Variants in NKAIN2 observed in about 807,000 individuals in gnomAD.
NKAIN2 encodes sodium/potassium-transporting ATPase subunit beta-1-interacting protein 2.
Under a neutral mutation model 32.6 loss-of-function variants are expected in NKAIN2, and 14 were observed. The observed-to-expected ratio is 0.43, with a 90% CI of 0.28 to 0.67. The LOEUF is 0.67. Among genes scored for constraint, NKAIN2 ranks in the 30% least tolerant of loss-of-function variants. The pLI is 0.17. For synonymous variants in NKAIN2, 80 were observed against 87.2 expected (o/e 0.92, Z 0.46); for missense variants, 198 against 258.3 (o/e 0.77, Z 1.60).
intron 5 of NKAIN2, among the ~76,000 whole-genome samples, chr6:124,805,753 C>T (rs545248287): frequency 1.4e-4 from 22 of 152,118 alleles, no homozygotes; most frequent in East Asian, 1.2e-3. Flanking sequence ...AAAATTTAGA[C>T]GAATGTATAA....
intron 2 of NKAIN2, among the ~76,000 whole-genome samples, chr6:124,288,453 T>C (rs141523760): frequency 1.8e-4 from 27 of 152,356 alleles, no homozygotes; most frequent in East Asian, 1.2e-3. Flanking sequence ...AAGGATTATG[T>C]TTTTAACTCC....
At chr6:124,772,884 T>C (rs1778824260) in intron 4 of NKAIN2, among the ~76,000 whole-genome samples, 2 of 152,080 alleles carry the variant, frequency 1.3e-5, no homozygotes, top group African/African-American at 4.8e-5. Context: ...CTCTGGGTAA[T>C]GGGTACACTA....
chr6:124,316,365 C>T (rs889075704), intron 2 of NKAIN2, among the ~76,000 whole-genome samples: 7 of 151,992 alleles, frequency 4.6e-5, no homozygotes, highest in African/African-American at 1.4e-4. Flanking sequence ...GTCTGCATGA[C>T]ACAGAAATGA....
chr6:124,129,887 G>A (rs535041407), intron 1 of NKAIN2, among the ~76,000 whole-genome samples: 1 of 152,130 alleles, frequency 6.6e-6, no homozygotes, highest in South Asian at 2.1e-4. Context: ...CAAAGTGCTG[G>A]GATTATAGGC....
chr6:124,326,532 G>C (rs1221205443), intron 2 of NKAIN2, among the ~76,000 whole-genome samples: 1 of 152,050 alleles, frequency 6.6e-6, no homozygotes, highest in African/African-American at 2.4e-5. Context: ...TCAAGACAAT[G>C]CTTCATCTTT....
chr6:124,766,443 C>T lies in NKAIN2; in HGVS notation c.475-24896C>T, dbSNP rs560120559. On this transcript the variant is annotated intron_variant, in intron 4 of 6. Coordinates refer to ENST00000368417, the MANE Select transcript of NKAIN2 (RefSeq NM_001040214.3). The stretch of plus-strand genomic sequence containing the variant: ...TCTGAAACTTAAACATTCCCAGCCA[C>T]CTGTCCCTTCCACGCACCCTCTCCG... Among the ~76,000 whole-genome samples, 3 of 152,318 alleles carry T rather than the reference C, an allele frequency of 2.0e-5. No individual in the cohort carries two copies. In the South Asian group the frequency reaches 6.2e-4, roughly 32 times the overall value.
chr6:124,209,553 T>G (rs549076585), intron 1 of NKAIN2, among the ~76,000 whole-genome samples: 1 of 151,900 alleles, frequency 6.6e-6, no homozygotes, highest in African/African-American at 2.4e-5. Context: ...ACTATACTAA[T>G]AATAGTTTAC....
intron 1 of NKAIN2, among the ~76,000 whole-genome samples, chr6:124,091,149 T>C (rs1336138329): frequency 1.3e-5 from 2 of 151,950 alleles, no homozygotes; most frequent in Non-Finnish European, 2.9e-5. Flanking sequence ...AAACATTAAA[T>C]TGATTTTAAG....
chr6:123,875,199 CT>C (rs1554218270), intron 1 of NKAIN2, among the ~76,000 whole-genome samples: 1 of 151,630 alleles, frequency 6.6e-6, no homozygotes, highest in Admixed American at 6.6e-5. Context: ...TTTCTAAACA[CT>C]TTTTTTTACA....
chr6:124,653,791 T>TATTTTAACAA (rs1293103381), intron 3 of NKAIN2, among the ~76,000 whole-genome samples: 2 of 152,184 alleles, frequency 1.3e-5, no homozygotes, highest in Non-Finnish European at 2.9e-5. Flanking sequence ...TTTTAATCTA[T>TATTTTAACAA]ATTTTAACAA....
chr6:123,981,009 A>T (rs1376103936), intron 1 of NKAIN2, among the ~76,000 whole-genome samples: 5 of 151,944 alleles, frequency 3.3e-5, no homozygotes, highest in African/African-American at 1.2e-4. Context: ...AGGTAGGACT[A>T]CAGGCACGCA....
chr6:124,595,350 G>T (rs932940942), intron 3 of NKAIN2, among the ~76,000 whole-genome samples: 1 of 152,134 alleles, frequency 6.6e-6, no homozygotes, highest in Non-Finnish European at 1.5e-5. Flanking sequence ...TGGGACTCCA[G>T]ACCCCTTATC....
chr6:123,950,162 G>A (rs1050864788), intron 1 of NKAIN2, among the ~76,000 whole-genome samples: 2 of 151,776 alleles, frequency 1.3e-5, no homozygotes, highest in East Asian at 1.9e-4. Flanking sequence ...GTGTATTATC[G>A]TTTTAATGTG....
chr6:124,146,323 AACTT>A (rs1461991652), intron 1 of NKAIN2, among the ~76,000 whole-genome samples: 2 of 152,196 alleles, frequency 1.3e-5, no homozygotes, highest in African/African-American at 2.4e-5. Context: ...ATAATTTACT[AACTT>A]AGTCATTAAG....
intron 4 of NKAIN2, among the ~76,000 whole-genome samples, chr6:124,727,893 G>A (rs926905538): frequency 1.9e-4 from 28 of 147,382 alleles, no homozygotes; most frequent in African/African-American, 6.8e-4. Context: ...ACAAAAAAAG[G>A]CAGGGGTTGC....
At chr6:124,480,935 A>C (rs1325766646) in intron 3 of NKAIN2, among the ~76,000 whole-genome samples, 1 of 152,094 alleles carries the variant, frequency 6.6e-6, no homozygotes. Flanking sequence ...TCCTATATAC[A>C]ACCCAAAAAT....
chr6:124,015,739 G>A (rs1235375597), intron 1 of NKAIN2, among the ~76,000 whole-genome samples: 1 of 152,132 alleles, frequency 6.6e-6, no homozygotes, highest in Non-Finnish European at 1.5e-5. Flanking sequence ...AGTTCAGTTA[G>A]TTTTACTTTA....
intron 3 of NKAIN2, among the ~76,000 whole-genome samples, chr6:124,552,398 G>C (rs1384464024): frequency 2.0e-5 from 3 of 152,196 alleles, no homozygotes; most frequent in African/African-American, 7.2e-5. Flanking sequence ...TCCAAAGTGA[G>C]TGAAGTTGGA....
chr6:124,207,698 C>T lies in NKAIN2; in HGVS notation c.55-75307C>T, dbSNP rs570081760. The stretch of plus-strand genomic sequence containing the variant: ...TTTTTGTTCAAACTGAATAATTTAC[C>T]GTATTTCTGTTTTTAAAAGACAGTA... On this transcript the variant is annotated intron_variant, in intron 1 of 6. Coordinates refer to ENST00000368417, the MANE Select transcript of NKAIN2 (RefSeq NM_001040214.3). 4.1e-4 allele frequency among the ~76,000 whole-genome samples: 62 copies of T among 151,552 alleles called. 2 individuals are homozygous for T. In the South Asian group the frequency reaches 5.8e-3, roughly 14 times the overall value.
Sources: allele counts gnomAD v4.1 joint callset (sites outside exome capture counted in the v4.1 genomes callset), GRCh38; gene constraint gnomAD v4.1.1; transcripts MANE v1.5; gene names NCBI Gene and HGNC (gene_info 2026-07-23, HGNC 2026-07-21).